Variants in AGAP1 observed in about 807,000 individuals in gnomAD.
AGAP1 encodes the protein ArfGAP with GTPase domain, ankyrin repeat and PH domain 1, also known as arf-GAP with GTPase, ANK repeat and PH domain-containing protein 1.
AGAP1 carries 29 observed loss-of-function variants against 105.3 expected under a neutral mutation model. The observed-to-expected ratio is 0.28, with a 90% CI of 0.21 to 0.38. The LOEUF is 0.38. Ranked by LOEUF, AGAP1 falls within the 10% of genes least tolerant of loss-of-function variation. The pLI is 1.00. For missense variants in AGAP1, 998 were observed against 1,165.1 expected (o/e 0.86, Z 2.09); for synonymous variants, 509 against 485.9 (o/e 1.05, Z -0.63).
chr2:235,575,907 CTTCTG>C (rs1362400717), intron 1 of AGAP1, among the ~76,000 whole-genome samples: 1 of 152,104 alleles, frequency 6.6e-6, no homozygotes, highest in African/African-American at 2.4e-5. Context: ...AAGACATTCC[CTTCTG>C]TTCTGTTTTC....
At chr2:236,110,867 G>C (rs1015647100) in intron 16 of AGAP1, among the ~76,000 whole-genome samples, 2 of 152,174 alleles carry the variant, frequency 1.3e-5, no homozygotes, top group Admixed American at 1.3e-4. Context: ...GAAGTGTCTT[G>C]CTCACGGTTC....
At chr2:235,745,408 T>C (rs188750293) in intron 5 of AGAP1, among the ~76,000 whole-genome samples, 12 of 152,300 alleles carry the variant, frequency 7.9e-5, no homozygotes, top group Middle Eastern at 3.4e-3. Flanking sequence ...TCGAACTTGG[T>C]CTCTTAGTGG....
At chr2:235,643,312 T>A (rs1407019435) in intron 1 of AGAP1, among the ~76,000 whole-genome samples, 1 of 151,372 alleles carries the variant, frequency 6.6e-6, no homozygotes, top group Non-Finnish European at 1.5e-5. Flanking sequence ...GCACCTGTAG[T>A]CCCAGCTCCT....
chr2:235,596,302 T>C lies in AGAP1; in HGVS notation c.163+101453T>C, dbSNP rs2149222913. On this transcript the variant is annotated intron_variant, in intron 1 of 17. Transcript: ENST00000304032. The surrounding 1 kb of genome is among the most constrained non-coding windows in gnomAD (Gnocchi z 5.9). Reference sequence around the variant, plus strand: ...AGACAGGTGGGACTGTCCAGATGCCTGTGGGGCACTACAGAGTTTTGAGGA... The same window carrying C: ...AGACAGGTGGGACTGTCCAGATGCCCGTGGGGCACTACAGAGTTTTGAGGA... Among the ~76,000 whole-genome samples the C allele has an allele frequency of 6.6e-6, 1 of 152,342 alleles. No homozygotes were observed. The highest frequency in any genetic ancestry group is 3.4e-3 in the Middle Eastern group (1 of 294).
chr2:235,606,038 AC>A (rs1157799591), intron 1 of AGAP1, among the ~76,000 whole-genome samples: 5 of 152,250 alleles, frequency 3.3e-5, no homozygotes, highest in Non-Finnish European at 7.3e-5. Flanking sequence ...AAGGAAAACA[AC>A]AAAACAAGCA....
chr2:235,548,293 T>C (rs1943693489), intron 1 of AGAP1, among the ~76,000 whole-genome samples: 1 of 152,180 alleles, frequency 6.6e-6, no homozygotes, highest in Admixed American at 6.5e-5. Flanking sequence ...TGCTGCTGAA[T>C]CGGCTCACTT....
chr2:235,922,835 G>T (rs536337143), intron 11 of AGAP1, among the ~76,000 whole-genome samples: 1 of 152,326 alleles, frequency 6.6e-6, no homozygotes, highest in East Asian at 1.9e-4. Flanking sequence ...AATGCAAATT[G>T]TGTAAAGAAA....
intron 13 of AGAP1, among the ~76,000 whole-genome samples, chr2:236,025,418 C>T (rs1300626706): frequency 6.6e-6 from 1 of 152,088 alleles, no homozygotes; most frequent in African/African-American, 2.4e-5. Context: ...TGCAGCCCTT[C>T]GGGGCCATCG....
intron 1 of AGAP1, among the ~76,000 whole-genome samples, chr2:235,688,952 G>C (rs541371794): frequency 6.6e-6 from 1 of 152,198 alleles, no homozygotes; most frequent in African/African-American, 2.4e-5. Flanking sequence ...CCCGTGTAAC[G>C]TTCGCCAAGC....
intron 9 of AGAP1, among the ~76,000 whole-genome samples, chr2:235,841,282 C>T (rs1026078120): frequency 2.6e-5 from 4 of 152,124 alleles, no homozygotes; most frequent in African/African-American, 9.7e-5. Flanking sequence ...AAAGAAGTTA[C>T]CAACAGTCGC....
In AGAP1 at chr2:235,973,601, CTG is replaced by C. The variant is rs764223538; in HGVS notation, c.1645+4981_1645+4982del. 1.3e-5 allele frequency among the ~76,000 whole-genome samples: 2 copies of C among 152,174 alleles called. No individual in the cohort carries two copies. Among genetic ancestry groups the C allele is most frequent in the African/African-American group, 2.4e-5 (1 of 41,436 alleles). On this transcript the variant is annotated intron_variant, in intron 13 of 17. Coordinates refer to ENST00000304032, the MANE Select transcript of AGAP1 (RefSeq NM_001037131.3). The surrounding 1 kb of genome is among the most constrained non-coding windows in gnomAD (Gnocchi z 4.7). ...GGATGAGGGCCATGAGGCATGGTGA[CTG>C]TGACCAGCTGATGGAAGGTTTGCAA...
intron 6 of AGAP1, among the ~76,000 whole-genome samples, chr2:235,764,259 T>C (rs924076400): frequency 5.3e-5 from 8 of 152,182 alleles, no homozygotes; most frequent in Non-Finnish European, 1.2e-4. Context: ...CTGTGTGTCG[T>C]TGGTGCTCTG....
intron 6 of AGAP1, among the ~76,000 whole-genome samples, chr2:235,771,072 C>T (rs1049745606): frequency 3.3e-5 from 5 of 152,148 alleles, no homozygotes; most frequent in Admixed American, 6.5e-5. Context: ...GTGCGGCCGC[C>T]GCAGGTGCTG....
rs904420010 is a variant in AGAP1, at chr2:235,936,214, C to T, written c.1483+5291C>T. On this transcript the variant is annotated intron_variant, in intron 12 of 17. Coordinates refer to ENST00000304032, the MANE Select transcript of AGAP1 (RefSeq NM_001037131.3). This position sits in a 1 kb window ranked among gnomAD's most constrained non-coding sequence, Gnocchi z 4.7. ...TGTGGCTCTTGAGCCTCACTTCCCTCGGCCTCCCCCAGGCCACCACGCAGC... is the reference window on the plus strand; with the variant it reads ...TGTGGCTCTTGAGCCTCACTTCCCTTGGCCTCCCCCAGGCCACCACGCAGC... Among the ~76,000 whole-genome samples the T allele has an allele frequency of 6.6e-6, 1 of 152,194 alleles. No homozygotes were observed. Among genetic ancestry groups the T allele is most frequent in the Non-Finnish European group, 1.5e-5 (1 of 68,038 alleles).
chr2:235,528,868 G>A (rs776881425), intron 1 of AGAP1, among the ~76,000 whole-genome samples: 9 of 47,086 alleles, frequency 1.9e-4, no homozygotes, highest in Non-Finnish European at 2.7e-4. Flanking sequence ...GTACAGATGG[G>A]ATTTTACTGT....
chr2:235,554,218 C>T (rs75620605), intron 1 of AGAP1, among the ~76,000 whole-genome samples: 1,802 of 152,322 alleles, frequency 0.012, 37 homozygotes, highest in African/African-American at 0.04. Flanking sequence ...TTTTAATTAG[C>T]GTGGTCCAGC....
chr2:236,039,751 A>G (rs1181107662), intron 14 of AGAP1, among the ~76,000 whole-genome samples: 1 of 152,216 alleles, frequency 6.6e-6, no homozygotes, highest in African/African-American at 2.4e-5. Context: ...ATGCAGCAAT[A>G]TGTATTACGC....
intron 13 of AGAP1, among the ~76,000 whole-genome samples, chr2:235,999,029 G>A (rs2055949082): frequency 6.6e-6 from 1 of 151,504 alleles, no homozygotes; most frequent in Non-Finnish European, 1.5e-5. Context: ...AATGGTGGTG[G>A]TGGTACTGGT....
chr2:235,999,596 TGA>T (rs1204184311), intron 13 of AGAP1, among the ~76,000 whole-genome samples: 1 of 149,390 alleles, frequency 6.7e-6, no homozygotes, highest in African/African-American at 2.5e-5. Flanking sequence ...GTGATGATGG[TGA>T]GAGGTGGTGG....
Sources: allele counts gnomAD v4.1 joint callset (sites outside exome capture counted in the v4.1 genomes callset), GRCh38; gene constraint gnomAD v4.1.1; non-coding constraint Gnocchi (gnomAD v3.1); transcripts MANE v1.5; gene names NCBI Gene and HGNC (gene_info 2026-07-23, HGNC 2026-07-21).